The following CELF2 variants were observed in gnomAD, a reference collection of about 807,000 sequenced individuals.
CELF2 encodes the protein CUGBP Elav-like family member 2.
Under a neutral mutation model 62.6 loss-of-function variants are expected in CELF2, and 8 were observed. That is an observed-to-expected ratio of 0.13 (90% CI 0.07 to 0.23). CELF2 has a LOEUF of 0.23. Ranked by LOEUF, CELF2 falls within the 10% of genes least tolerant of loss-of-function variation. The pLI is 1.00. For missense variants in CELF2, 333 were observed against 671.0 expected (o/e 0.50, Z 5.56); for synonymous variants, 258 against 250.0 (o/e 1.03, Z -0.30).
At chr10:10,796,940 T>G (rs2054172208), upstream of CELF2, 1 of 970,922 alleles carries the variant, frequency 1.0e-6, no homozygotes, top group Non-Finnish European at 1.2e-6. Context: ...CTAGAGACAG[T>G]TGCACTTCTG....
intron 2 of CELF2, among the ~76,000 whole-genome samples, chr10:10,994,512 A>C (rs1444297074): frequency 6.6e-6 from 1 of 152,244 alleles, no homozygotes; most frequent in Non-Finnish European, 1.5e-5. Flanking sequence ...GAGTCAGCTA[A>C]GCTACATCTG....
At chr10:10,752,413 G>A in the CELF2 span, among the ~76,000 whole-genome samples, 5 of 152,218 alleles carry the variant, frequency 3.3e-5, no homozygotes, top group Middle Eastern at 3.4e-3. Context: ...ACTCCAGGCC[G>A]GGCACAGTGG....
intron 3 of CELF2, among the ~76,000 whole-genome samples, chr10:11,229,746 C>T (rs1444612949): frequency 6.6e-6 from 1 of 152,148 alleles, no homozygotes; most frequent in African/African-American, 2.4e-5. Flanking sequence ...TGTGCCACCA[C>T]ATCCAGCTAA....
the CELF2 span, among the ~76,000 whole-genome samples, chr10:10,627,377 G>C: frequency 1.3e-5 from 2 of 152,162 alleles, no homozygotes; most frequent in African/African-American, 4.8e-5. Flanking sequence ...ACATGCAAAT[G>C]GTCTCAGAAC....
At position 11,191,704 on chromosome 10, in the gene CELF2, A is replaced by C. The variant is rs2076326945; in HGVS notation, c.272-25721A>C. On this transcript the variant is annotated intron_variant, in intron 2 of 12. Coordinates refer to ENST00000633077, the MANE Select transcript of CELF2 (RefSeq NM_001326342.2). The surrounding 1 kb of genome is among the most constrained non-coding windows in gnomAD (Gnocchi z 4.1). ...AAGATGAGGCTTATTCCCAGTCGGC[A>C]GACTGGACTTCTTCATAAGTGAAAA... Among the ~76,000 whole-genome samples, 1 of 152,168 alleles carries C rather than the reference A, an allele frequency of 6.6e-6. No homozygotes were observed. Among genetic ancestry groups the C allele is most frequent in the African/African-American group, 2.4e-5 (1 of 41,428 alleles).
intron 1 of CELF2, among the ~76,000 whole-genome samples, chr10:11,009,645 T>C (rs1375388923): frequency 6.6e-6 from 1 of 152,186 alleles, no homozygotes; most frequent in East Asian, 1.9e-4. Flanking sequence ...GAGGGCAGAT[T>C]GAACTCCTGC....
rs373735097 is a variant in CELF2, at chr10:11,088,875, G to A, written c.74+70712G>A. On this transcript the variant is annotated intron_variant, in intron 1 of 12. Transcript: ENST00000633077. ...ACTGGAGTCATCTGGAGGTGTCCTC[G>A]CTAGCACATCTGACAGGTGGGAAGT... Among the ~76,000 whole-genome samples the A allele has an allele frequency of 2.0e-4, 30 of 152,284 alleles. No individual in the cohort carries two copies. In the East Asian group the frequency reaches 4.6e-3, roughly 23 times the overall value.
chr10:10,940,790 A>G (rs2046965933), intron 2 of CELF2, among the ~76,000 whole-genome samples: 1 of 152,168 alleles, frequency 6.6e-6, no homozygotes, highest in Non-Finnish European at 1.5e-5. Flanking sequence ...CATGAAGGGT[A>G]GGGAGAAGAA....
the CELF2 span, among the ~76,000 whole-genome samples, chr10:10,585,723 G>A: frequency 4.1e-4 from 63 of 152,218 alleles, no homozygotes; most frequent in African/African-American, 1.4e-3. Context: ...TTTGATTAGG[G>A]GATCTTTTAT....
intron 2 of CELF2, among the ~76,000 whole-genome samples, chr10:10,966,402 C>T (rs556460208): frequency 1.3e-5 from 2 of 152,244 alleles, no homozygotes; most frequent in East Asian, 3.9e-4. Flanking sequence ...TTTTTGATCT[C>T]TTTCTCTATT....
At chr10:10,601,172 G>A in the CELF2 span, among the ~76,000 whole-genome samples, 3 of 152,202 alleles carry the variant, frequency 2.0e-5, no homozygotes, top group Admixed American at 2.0e-4. Context: ...CTCCAGGACT[G>A]AATGGGGTTT....
intron 2 of CELF2, among the ~76,000 whole-genome samples, chr10:11,213,891 C>T (rs1366867523): frequency 2.0e-5 from 3 of 152,206 alleles, no homozygotes; most frequent in Admixed American, 6.5e-5. Context: ...GTAAAGAATG[C>T]TTTTGACCCT....
At chr10:10,628,057 C>A in the CELF2 span, among the ~76,000 whole-genome samples, 1 of 152,128 alleles carries the variant, frequency 6.6e-6, no homozygotes, top group South Asian at 2.1e-4. Flanking sequence ...TGCCCGCCAC[C>A]ACGCCTAGCT....
the CELF2 span, among the ~76,000 whole-genome samples, chr10:10,507,561 A>G: frequency 6.6e-6 from 1 of 152,164 alleles, no homozygotes; most frequent in Non-Finnish European, 1.5e-5. Context: ...GATTAGCATG[A>G]TCCCACTAGC....
chr10:11,112,263 C>G (rs965705722), intron 1 of CELF2, among the ~76,000 whole-genome samples: 13 of 152,164 alleles, frequency 8.5e-5, no homozygotes, highest in African/African-American at 2.9e-4. Flanking sequence ...GAATAATGAG[C>G]TTTTTCCTTT....
rs1554936515 is a variant in CELF2 at position 11,197,044 on chromosome 10, A to AGAAG, written c.272-20378_272-20377insGGAA. Among the ~76,000 whole-genome samples the AGAAG allele has an allele frequency of 6.5e-4, 37 of 57,238 alleles. 3 individuals carry two copies. Among genetic ancestry groups the AGAAG allele is most frequent in the African/African-American group, 2.5e-3 (22 of 8,896 alleles). 37.6% of individuals were successfully genotyped at this position (57,238 alleles called of 152,430 possible). ...AGAAAGAAAAGAAAGAAAGAAAGAA[A>AGAAG]GAAAGAAAGAAAGAAAAGAAAGAAA... On this transcript the variant is annotated intron_variant, in intron 2 of 12. Transcript: ENST00000633077.
chr10:11,225,524 C>G (rs553018147), intron 3 of CELF2, among the ~76,000 whole-genome samples: 1 of 152,208 alleles, frequency 6.6e-6, no homozygotes, highest in Non-Finnish European at 1.5e-5. Flanking sequence ...TAGAGTACTT[C>G]ACGTAGACAA....
intron 3 of CELF2, among the ~76,000 whole-genome samples, chr10:11,233,058 T>A (rs2069446358): frequency 1.3e-5 from 2 of 152,232 alleles, no homozygotes; most frequent in Admixed American, 6.5e-5. Flanking sequence ...ATGTCCACTG[T>A]ACATTAAGAT....
the CELF2 span, among the ~76,000 whole-genome samples, chr10:10,499,469 A>G: frequency 3.9e-5 from 6 of 152,246 alleles, no homozygotes; most frequent in African/African-American, 1.4e-4. Flanking sequence ...ATGTGATTAT[A>G]CACTGCTATG....
Sources: gnomAD v4.1 joint callset for allele counts (sites outside exome capture counted in the v4.1 genomes callset) on GRCh38, gnomAD v4.1.1 for gene constraint, Gnocchi (gnomAD v3.1) non-coding constraint, MANE v1.5 for transcripts, NCBI Gene and HGNC (gene_info 2026-07-23, HGNC 2026-07-21) for gene names.